SHISA6: variants seen among roughly 807,000 people sequenced by gnomAD.
SHISA6 encodes protein shisa-6.
A neutral mutation model predicts 47.9 loss-of-function variants in SHISA6; 22 were observed. The ratio of observed to expected loss-of-function variants is 0.46; its 90% confidence interval spans 0.33 to 0.66. The LOEUF is 0.66. SHISA6 is among the 30% of genes least tolerant of loss of function. The pLI is 0.02. For synonymous variants in SHISA6, 388 were observed against 337.8 expected (o/e 1.15, Z -1.63); for missense variants, 680 against 764.6 (o/e 0.89, Z 1.30).
At chr17:11,293,142 G>T (rs927364711) in intron 2 of SHISA6, among the ~76,000 whole-genome samples, 1 of 151,998 alleles carries the variant, frequency 6.6e-6, no homozygotes, top group Non-Finnish European at 1.5e-5. Flanking sequence ...TGATATTTTT[G>T]AAAGGTTTTT....
intron 1 of SHISA6, among the ~76,000 whole-genome samples, chr17:11,261,151 G>A (rs1908219849): frequency 6.6e-6 from 1 of 152,136 alleles, no homozygotes; most frequent in Non-Finnish European, 1.5e-5. Context: ...AGGGGGAGTA[G>A]GCAGAGGGAC....
chr17:11,397,890 C>T (rs192559232), intron 3 of SHISA6, among the ~76,000 whole-genome samples: 8 of 151,946 alleles, frequency 5.3e-5, no homozygotes, highest in Non-Finnish European at 1.2e-4. Context: ...GAGATTAGAG[C>T]CCCCCCTTAG....
intron 3 of SHISA6, among the ~76,000 whole-genome samples, chr17:11,551,511 A>G (rs761906531): frequency 1.3e-4 from 20 of 151,980 alleles, no homozygotes; most frequent in Non-Finnish European, 2.4e-4. Flanking sequence ...CCACACCCTA[A>G]TACCCACCAC....
chr17:11,244,395 G>A (rs1197916463), intron 1 of SHISA6, among the ~76,000 whole-genome samples: 1 of 152,150 alleles, frequency 6.6e-6, no homozygotes, highest in Admixed American at 6.5e-5. Flanking sequence ...ATGACCTTGG[G>A]CAGGTCAGGG....
intron 2 of SHISA6, among the ~76,000 whole-genome samples, chr17:11,377,321 G>A (rs1302051592): frequency 6.6e-6 from 1 of 152,144 alleles, no homozygotes; most frequent in Non-Finnish European, 1.5e-5. Context: ...TTTACAGCAA[G>A]AATGCTCCTC....
chr17:11,544,862 G>A (rs1365926967), intron 3 of SHISA6, among the ~76,000 whole-genome samples: 1 of 150,818 alleles, frequency 6.6e-6, no homozygotes, highest in African/African-American at 2.4e-5. Context: ...TCGGGAGGCT[G>A]AGGCAGGAGA....
chr17:11,365,841 A>G (rs1377486364), intron 2 of SHISA6, among the ~76,000 whole-genome samples: 1 of 152,168 alleles, frequency 6.6e-6, no homozygotes, highest in Non-Finnish European at 1.5e-5. Context: ...AAAATACAGT[A>G]ATGTGATAGA....
chr17:11,492,059 A>G (rs936478272), intron 3 of SHISA6, among the ~76,000 whole-genome samples: 4 of 152,060 alleles, frequency 2.6e-5, no homozygotes, highest in African/African-American at 7.2e-5. Flanking sequence ...GTGAGCCACC[A>G]TGCCCAGCCG....
rs773484904 is a variant in SHISA6, at chr17:11,562,419, G to A, written c.*4115G>A. ...ATCCTGTCCGAATCTGGGAAATTTT[G>A]CTCTGGAGTATTTTCAAGAAAGCGC... is the stretch of plus-strand genomic sequence containing the variant. On this transcript the variant is annotated 3_prime_UTR_variant, in exon 6 of 6. Coordinates refer to ENST00000441885, the MANE Select transcript of SHISA6 (RefSeq NM_207386.4). The A allele has an allele frequency of 2.6e-5, 4 of 152,094 alleles. No homozygotes were observed. The highest frequency in any genetic ancestry group is 5.9e-5 in the Non-Finnish European group (4 of 68,020). The allele number at this position is 152,094 out of a possible 1,614,324, so 9.4% of individuals were successfully genotyped here. A position where few individuals can be genotyped will look rare whatever the true frequency, so the allele number is the denominator to read the frequency against.
At position 11,558,791 on chromosome 17, in the gene SHISA6, T is replaced by C. The variant is rs2072010662; in HGVS notation, c.*487T>C. On this transcript the variant is annotated 3_prime_UTR_variant, in exon 6 of 6. Coordinates refer to ENST00000441885, the MANE Select transcript of SHISA6 (RefSeq NM_207386.4). Reference sequence around the variant, plus strand: ...CTAGAACCGCATCACAGAAATCTCCTAGTGCCTAAAAACTGCCTGCTCGCT... The same window carrying C: ...CTAGAACCGCATCACAGAAATCTCCCAGTGCCTAAAAACTGCCTGCTCGCT... 1 of 171,592 alleles carries C rather than the reference T, an allele frequency of 5.8e-6. No individual in the cohort carries two copies. Among genetic ancestry groups the C allele is most frequent in the Non-Finnish European group, 1.3e-5 (1 of 79,484 alleles). 10.6% of individuals were successfully genotyped at this position (171,592 alleles called of 1,614,324 possible).
At chr17:11,533,587 A>ATTTTTTTTTTTTTTTT (rs3038696) in intron 3 of SHISA6, among the ~76,000 whole-genome samples, 1 of 94,998 alleles carries the variant, frequency 1.1e-5, no homozygotes, top group African/African-American at 3.8e-5. Context: ...CCCTTTCATT[A>ATTTTTTTTTTTTTTTT]TTTTTTTTTT....
intron 2 of SHISA6, among the ~76,000 whole-genome samples, chr17:11,360,237 G>C (rs975345259): frequency 2.0e-5 from 3 of 152,190 alleles, no homozygotes; most frequent in African/African-American, 4.8e-5. Flanking sequence ...AATGCCGCAT[G>C]TTCTCACTCA....
intron 2 of SHISA6, among the ~76,000 whole-genome samples, chr17:11,318,618 A>G (rs1910601084): frequency 6.6e-6 from 1 of 152,188 alleles, no homozygotes. Flanking sequence ...CATTTTATGT[A>G]TGTACGTATG....
intron 2 of SHISA6, among the ~76,000 whole-genome samples, chr17:11,284,115 C>T (rs1909216801): frequency 1.3e-5 from 2 of 152,106 alleles, no homozygotes; most frequent in Admixed American, 1.3e-4. Flanking sequence ...CGTAGGCATG[C>T]ACAATCCTCC....
At chr17:11,528,783 T>C (rs1017601555) in intron 3 of SHISA6, among the ~76,000 whole-genome samples, 4 of 152,220 alleles carry the variant, frequency 2.6e-5, no homozygotes, top group Non-Finnish European at 5.9e-5. Context: ...GAAGCCTGCA[T>C]GACACAGACA....
chr17:11,497,922 T>C (rs983154536), intron 3 of SHISA6, among the ~76,000 whole-genome samples: 2 of 152,314 alleles, frequency 1.3e-5, no homozygotes, highest in Non-Finnish European at 2.9e-5. Context: ...CTATACCTAC[T>C]CCTGGCTTGG....
At chr17:11,273,788 G>A (rs758430) in intron 2 of SHISA6, among the ~76,000 whole-genome samples, 145,144 of 152,266 alleles carry the variant, frequency 0.95, 69,471 homozygotes, top group East Asian at 1. Flanking sequence ...GCAGCCCAGT[G>A]TCCAGGACTC....
intron 1 of SHISA6, among the ~76,000 whole-genome samples, chr17:11,259,345 C>T (rs1021611065): frequency 3.9e-5 from 6 of 152,134 alleles, no homozygotes; most frequent in South Asian, 4.2e-4. Flanking sequence ...ATAGGGCTAC[C>T]GATGGCACAT....
chr17:11,381,286 A>G (rs1376770049), intron 3 of SHISA6, among the ~76,000 whole-genome samples: 2 of 152,346 alleles, frequency 1.3e-5, no homozygotes, highest in East Asian at 3.9e-4. Context: ...CTTTATACAT[A>G]TAATAAATAT....
Sources: allele counts gnomAD v4.1 joint callset (sites outside exome capture counted in the v4.1 genomes callset), GRCh38; gene constraint gnomAD v4.1.1; transcripts MANE v1.5; gene names NCBI Gene and HGNC (gene_info 2026-07-23, HGNC 2026-07-21).